GAS2: variants seen among roughly 807,000 people sequenced by gnomAD.
GAS2 encodes growth arrest-specific protein 2.
GAS2 carries 20 observed loss-of-function variants against 37.5 expected under a neutral mutation model. That is an observed-to-expected ratio of 0.53 (90% CI 0.37 to 0.77). GAS2 has a LOEUF of 0.77. GAS2 is among the 30% of genes least tolerant of loss of function. The probability of loss-of-function intolerance (pLI) is 0.00; values close to 1 mark genes in which losing one functional copy is unlikely to be tolerated. For synonymous variants in GAS2, 144 were observed against 132.2 expected, an observed-to-expected ratio of 1.09 and a Z score of -0.61; for missense variants, 336 against 373.4, an observed-to-expected ratio of 0.90 and a Z score of 0.82.
chr11:22,652,179 C>T (rs542730524), intron 1 of GAS2, among the ~76,000 whole-genome samples: 2 of 152,052 alleles, frequency 1.3e-5, no homozygotes, highest in Non-Finnish European at 2.9e-5. Flanking sequence ...AGTACCCGGC[C>T]GTGTGAGGTG....
At chr11:22,767,319 TA>T (rs1298380386) in intron 7 of GAS2, among the ~76,000 whole-genome samples, 2 of 152,128 alleles carry the variant, frequency 1.3e-5, no homozygotes, top group East Asian at 3.8e-4. Context: ...TTATATGATT[TA>T]AACTTCACAC....
intron 3 of GAS2, among the ~76,000 whole-genome samples, chr11:22,725,184 A>G (rs1048516147): frequency 5.9e-5 from 9 of 152,072 alleles, no homozygotes; most frequent in Admixed American, 2.6e-4. Flanking sequence ...GAAAAAAGAT[A>G]ACACTTGGTA....
At chr11:22,760,601 T>C (rs996781387) in intron 7 of GAS2, among the ~76,000 whole-genome samples, 2 of 152,220 alleles carry the variant, frequency 1.3e-5, no homozygotes, top group East Asian at 3.8e-4. Context: ...TTCTGTGTAT[T>C]GTTGGAAGGA....
intron 1 of GAS2, among the ~76,000 whole-genome samples, chr11:22,629,130 A>G (rs1377471099): frequency 6.6e-6 from 1 of 152,168 alleles, no homozygotes; most frequent in Non-Finnish European, 1.5e-5. Context: ...TGTGATAAAC[A>G]TATACATGCA....
In GAS2 at chr11:22,726,407, C is replaced by T. The variant is rs776392711; in HGVS notation, c.383C>T (p.Thr128Met). The T allele has an allele frequency of 1.4e-5, 23 of 1,611,886 alleles. No individual in the cohort carries two copies. Among genetic ancestry groups the T allele is most frequent in the African/African-American group, 4.0e-5 (3 of 74,724 alleles). ...TGCCGAGATTTAGGGGTGGATGAAA[C>T]GTGTCTATTTGAATCGGAAGGTTTG... ...SWCRDLGVDE[T>M]CLFESEGLVL... The change falls in exon 4 of 8, where the codon ACG becomes ATG. Residue 128 changes from threonine to methionine, a missense_variant. By Grantham distance (81) the Thr-to-Met change is moderately conservative (BLOSUM62 -1). Transcript: ENST00000454584.
At chr11:22,795,763 G>A (rs1338192328) in intron 7 of GAS2, among the ~76,000 whole-genome samples, 2 of 152,040 alleles carry the variant, frequency 1.3e-5, no homozygotes, top group Non-Finnish European at 2.9e-5. Flanking sequence ...GAAGAGTTAT[G>A]GCATGAGGTG....
intron 3 of GAS2, among the ~76,000 whole-genome samples, chr11:22,696,007 A>G (rs373346321): frequency 7.2e-5 from 11 of 151,982 alleles, no homozygotes; most frequent in East Asian, 5.8e-4. Context: ...TTAGTTACAT[A>G]TATATACATG....
At chr11:22,746,810 A>AC (rs1347379380) in intron 5 of GAS2, among the ~76,000 whole-genome samples, 2 of 152,150 alleles carry the variant, frequency 1.3e-5, no homozygotes, top group African/African-American at 2.4e-5. Context: ...TATGCAATAT[A>AC]CCCATGTAAC....
At chr11:22,748,859 G>T (rs1459078205) in intron 5 of GAS2, among the ~76,000 whole-genome samples, 1 of 152,032 alleles carries the variant, frequency 6.6e-6, no homozygotes, top group Non-Finnish European at 1.5e-5. Flanking sequence ...TTAATATATT[G>T]CATTGAGTGT....
chr11:22,652,064 T>G (rs970610135), intron 1 of GAS2, among the ~76,000 whole-genome samples: 9 of 152,346 alleles, frequency 5.9e-5, no homozygotes, highest in Non-Finnish European at 8.8e-5. Context: ...CTACTTTTAG[T>G]CTTTGATGAT....
intron 3 of GAS2, among the ~76,000 whole-genome samples, chr11:22,724,281 T>C (rs964247889): frequency 6.6e-5 from 10 of 151,960 alleles, no homozygotes; most frequent in Non-Finnish European, 1.3e-4. Flanking sequence ...TACATGTACA[T>C]GTGTTGTATT....
intron 1 of GAS2, among the ~76,000 whole-genome samples, chr11:22,649,699 T>G (rs2133829273): frequency 6.6e-6 from 1 of 152,336 alleles, no homozygotes; most frequent in East Asian, 1.9e-4. Context: ...TCTAGTTTAT[T>G]TGCATAGAGG....
intron 2 of GAS2, among the ~76,000 whole-genome samples, chr11:22,683,288 CAG>C (rs1161207241): frequency 2.6e-5 from 4 of 151,666 alleles, no homozygotes; most frequent in African/African-American, 9.7e-5. Context: ...ATTTATGAGA[CAG>C]AGTGTCACTC....
intron 3 of GAS2, among the ~76,000 whole-genome samples, chr11:22,692,378 G>C (rs539099249): frequency 1.9e-4 from 29 of 152,302 alleles, no homozygotes; most frequent in African/African-American, 6.5e-4. Context: ...GCCTCAGGCA[G>C]TCCTGATGAC....
intron 1 of GAS2, among the ~76,000 whole-genome samples, chr11:22,634,911 G>C (rs1858801165): frequency 6.6e-6 from 1 of 152,214 alleles, no homozygotes; most frequent in East Asian, 1.9e-4. Context: ...CACGTGAATA[G>C]ACTCAAGACC....
In GAS2 at chr11:22,626,529, G is replaced by C. The variant is rs188802312; in HGVS notation, c.-21+716G>C. The C allele has an allele frequency of 1.3e-5, 2 of 152,780 alleles. 1 individual carries two copies. Among genetic ancestry groups the C allele is most frequent in the South Asian group, 4.1e-4 (2 of 4,904 alleles). 9.5% of individuals were successfully genotyped at this position (152,780 alleles called of 1,614,324 possible). A position where few individuals can be genotyped will look rare whatever the true frequency, so the allele number is the denominator to read the frequency against. Reference sequence around the variant, plus strand: ...GAAGGAAATGGCATTTAAGAGCATCGAACAATAATAAATGTTTGATTAAAT... The same window carrying C: ...GAAGGAAATGGCATTTAAGAGCATCCAACAATAATAAATGTTTGATTAAAT... On this transcript the variant is annotated intron_variant, in intron 1 of 5. Transcript: ENST00000528582.
chr11:22,654,536 C>T (rs1848834731), intron 1 of GAS2, among the ~76,000 whole-genome samples: 2 of 152,084 alleles, frequency 1.3e-5, no homozygotes, highest in Non-Finnish European at 2.9e-5. Context: ...TTTGGGACTA[C>T]AGGCATGTGC....
intron 1 of GAS2, among the ~76,000 whole-genome samples, chr11:22,652,953 C>CTTTCTTTCTT (rs1249869085): frequency 3.3e-5 from 5 of 152,012 alleles, no homozygotes; most frequent in Admixed American, 6.6e-5. Context: ...TCCACAACCT[C>CTTTCTTTCTT]TTTCTTTCTT....
intron 7 of GAS2, among the ~76,000 whole-genome samples, chr11:22,768,310 G>A (rs143532883): frequency 3.9e-5 from 6 of 152,274 alleles, no homozygotes; most frequent in Admixed American, 3.9e-4. Flanking sequence ...GCCCTGGCAA[G>A]GTATTTAATG....
Sources: allele counts gnomAD v4.1 joint callset (sites outside exome capture counted in the v4.1 genomes callset), GRCh38; gene constraint gnomAD v4.1.1; transcripts MANE v1.5; gene names NCBI Gene and HGNC (gene_info 2026-07-23, HGNC 2026-07-21).